HCRTR2: variants seen among roughly 807,000 people sequenced by gnomAD.
HCRTR2 encodes orexin receptor type 2.
In HCRTR2, 22 loss-of-function variants were observed where a neutral mutation model predicts 49.0. The ratio of observed to expected loss-of-function variants is 0.45; its 90% CI spans 0.32 to 0.64. The LOEUF (loss-of-function observed/expected upper bound fraction) is 0.64, where lower values mean the gene tolerates loss of function less well. Ranked by LOEUF, HCRTR2 falls within the 30% of genes least tolerant of loss-of-function variation. The pLI, the probability that HCRTR2 is intolerant of heterozygous loss-of-function variation, is 0.04. For missense variants in HCRTR2, 491 were observed against 559.4 expected (o/e 0.88, Z 1.23); for synonymous variants, 236 against 205.3 (o/e 1.15, Z -1.28).
intron 1 of HCRTR2, among the ~76,000 whole-genome samples, chr6:55,194,029 G>A (rs59420753): frequency 0.22 from 33,730 of 151,838 alleles, 3,925 homozygotes; most frequent in Admixed American, 0.3. Flanking sequence ...AAAATGTTTT[G>A]TTTCATTTGT....
intron 1 of HCRTR2, among the ~76,000 whole-genome samples, chr6:55,142,492 C>A (rs1232083208): frequency 6.6e-6 from 1 of 151,840 alleles, no homozygotes; most frequent in Non-Finnish European, 1.5e-5. Context: ...CAGGCATGAG[C>A]CACCGGGCCC....
At chr6:55,203,934 A>G (rs182564530) in intron 1 of HCRTR2, among the ~76,000 whole-genome samples, 212 of 152,262 alleles carry the variant, frequency 1.4e-3, no homozygotes, top group Admixed American at 3.8e-3. Context: ...GTAGAGAAAT[A>G]ATATGATCTG....
intron 1 of HCRTR2, among the ~76,000 whole-genome samples, chr6:55,117,923 A>G (rs1028487251): frequency 5.9e-5 from 9 of 151,294 alleles, no homozygotes; most frequent in Non-Finnish European, 1.3e-4. Context: ...TCAGGGGCAC[A>G]TGTGCAGGAT....
intron 1 of HCRTR2, among the ~76,000 whole-genome samples, chr6:55,225,431 T>C (rs962479864): frequency 6.6e-6 from 1 of 152,186 alleles, no homozygotes; most frequent in Non-Finnish European, 1.5e-5. Context: ...TCCAAAGTAA[T>C]GGTGTTGCTT....
chr6:55,216,459 T>A (rs933061087), intron 1 of HCRTR2, among the ~76,000 whole-genome samples: 2 of 152,106 alleles, frequency 1.3e-5, no homozygotes, highest in Admixed American at 1.3e-4. Context: ...AAACAAGTCA[T>A]ATAATTCTAA....
At chr6:55,198,286 A>G (rs559752611) in intron 1 of HCRTR2, among the ~76,000 whole-genome samples, 7 of 152,220 alleles carry the variant, frequency 4.6e-5, no homozygotes, top group African/African-American at 7.2e-5. Context: ...CTTTAACTAT[A>G]TCTCCAACCC....
intron 6 of HCRTR2, 119 bp from the exon 7 acceptor site, chr6:55,282,106 C>A: frequency 5.5e-6 from 4 of 728,950 alleles, no homozygotes; most frequent in Non-Finnish European, 9.7e-6. Context: ...CCCATCTTTG[C>A]AAAATATTAC....
intron 1 of HCRTR2, among the ~76,000 whole-genome samples, chr6:55,189,605 C>T (rs1217959743): frequency 6.6e-6 from 1 of 152,106 alleles, no homozygotes; most frequent in Non-Finnish European, 1.5e-5. Flanking sequence ...CACATGGACA[C>T]AGGGAGTGGG....
chr6:55,164,952 T>G (rs1269972379), intron 1 of HCRTR2, among the ~76,000 whole-genome samples: 1 of 152,060 alleles, frequency 6.6e-6, no homozygotes, highest in African/African-American at 2.4e-5. Context: ...TTCTATCAGA[T>G]AAATTCAAAA....
chr6:55,166,854 T>C (rs529307526), intron 1 of HCRTR2, among the ~76,000 whole-genome samples: 1 of 152,240 alleles, frequency 6.6e-6, no homozygotes, highest in South Asian at 2.1e-4. Flanking sequence ...TATAATTAAA[T>C]ACTATTCAGC....
At chr6:55,178,474 G>A (rs1561996999) in intron 1 of HCRTR2, among the ~76,000 whole-genome samples, 2 of 152,092 alleles carry the variant, frequency 1.3e-5, no homozygotes, top group Non-Finnish European at 2.9e-5. Flanking sequence ...TATAATGTAC[G>A]TATACCCTCT....
chr6:55,240,907 ATTTAT>A, intron 1 of HCRTR2: 1 of 200,478 alleles, frequency 5.0e-6, no homozygotes, highest in Non-Finnish European at 1.0e-5. Context: ...ACGTTCTCTT[ATTTAT>A]ATTTAATTGA....
chr6:55,181,263 A>G (rs1192989096), intron 1 of HCRTR2, among the ~76,000 whole-genome samples: 1 of 152,168 alleles, frequency 6.6e-6, no homozygotes, highest in South Asian at 2.1e-4. Flanking sequence ...CACATGACCC[A>G]TATGACCAGT....
rs1158754369 is a variant in HCRTR2, at chr6:55,163,251, CAAACAACA to C, written c.-377-10956_-377-10949del. Among the ~76,000 whole-genome samples the C allele has an allele frequency of 3.7e-5, 5 of 136,320 alleles. 1 individual carries two copies. The highest frequency in any genetic ancestry group is 4.8e-4 in the South Asian group (2 of 4,166). 89.4% of individuals were successfully genotyped at this position (136,320 alleles called of 152,430 possible). ...GACTCCGTCTCAAAAAACAAACAAA[CAAACAACA>C]AAAAAAAAAAAACTACCTTAAATTT... On this transcript the variant is annotated intron_variant, in intron 1 of 7. Transcript: ENST00000615358.
rs190842280 is a variant in HCRTR2 at position 55,258,880 on chromosome 6, G to A, written c.646+3501G>A. ...AGCCTGGCCAACATGGTGAAACCCC[G>A]TCTCTACTGAAAACACAAAAATTAG... On this transcript the variant is annotated intron_variant, in intron 3 of 6. Transcript: ENST00000370862. Among the ~76,000 whole-genome samples, 396 of 152,082 alleles carry A rather than the reference G, an allele frequency of 2.6e-3. 2 individuals carry two copies. The highest frequency in any genetic ancestry group is 9.0e-3 in the African/African-American group (373 of 41,480).
intron 1 of HCRTR2, among the ~76,000 whole-genome samples, chr6:55,232,865 T>C (rs1766140827): frequency 6.6e-6 from 1 of 152,168 alleles, no homozygotes; most frequent in African/African-American, 2.4e-5. Context: ...AAGTCTGAGA[T>C]AGATTTTTAA....
At position 55,204,553 on chromosome 6, in the gene HCRTR2, A is replaced by T. The variant is rs543070445; in HGVS notation, c.223+29743A>T. ...GTGGTGATGTAGGACAGAGCCTGAT[A>T]GCTTGGATCAAGGTGGTAGCAAAGG... On this transcript the variant is annotated intron_variant, in intron 1 of 6. Transcript: ENST00000370862. 5.9e-5 allele frequency among the ~76,000 whole-genome samples: 9 copies of T among 152,252 alleles called. No homozygotes were observed. In the South Asian group the frequency reaches 1.9e-3, roughly 32 times the overall value.
intron 1 of HCRTR2, among the ~76,000 whole-genome samples, chr6:55,127,413 C>T (rs2127243253): frequency 6.6e-6 from 1 of 152,160 alleles, no homozygotes; most frequent in East Asian, 1.9e-4. Flanking sequence ...GTCCAACCTG[C>T]CCCAATGAGA....
intron 1 of HCRTR2, among the ~76,000 whole-genome samples, chr6:55,208,351 G>A (rs111424274): frequency 0.061 from 9,186 of 150,632 alleles, 501 homozygotes; most frequent in African/African-American, 0.14. Flanking sequence ...AAATAGCCAG[G>A]TGTGGTGGTG....
Sources: gnomAD v4.1 joint callset for allele counts (sites outside exome capture counted in the v4.1 genomes callset) on GRCh38, gnomAD v4.1.1 for gene constraint, MANE v1.5 for transcripts, NCBI Gene and HGNC (gene_info 2026-07-23, HGNC 2026-07-21) for gene names.